The following ABCB11 variants were observed in gnomAD, a reference collection of about 807,000 sequenced individuals.
ABCB11 encodes ATP binding cassette subfamily B member 11.
In ABCB11, 95 loss-of-function variants were observed where a neutral mutation model predicts 148.0. The ratio of observed to expected loss-of-function variants is 0.64; its 90% CI spans 0.54 to 0.76. The LOEUF is 0.76. Among genes scored for constraint, ABCB11 ranks in the 30% least tolerant of loss-of-function variants. The pLI, the probability that ABCB11 is intolerant of heterozygous loss-of-function variation, is 0.00. For synonymous variants in ABCB11, 591 were observed against 555.4 expected, an observed-to-expected ratio of 1.06 and a Z score of -0.90; for missense variants, 1,523 against 1,617.8, an observed-to-expected ratio of 0.94 and a Z score of 1.01.
rs1692218423 is a variant in ABCB11 at position 168,944,644 on chromosome 2, C to T, written c.2571G>A (p.Leu857=). The part of the protein sequence containing the change: ...FDDLRNSPGA[L]TTRLATDASQ... Reference sequence around the variant, plus strand: ...AAGCATCTGTAGCAAGTCTTGTTGTCAATGCTCCAGGGCTATTTCTGAGGT... The same window carrying T: ...AAGCATCTGTAGCAAGTCTTGTTGTTAATGCTCCAGGGCTATTTCTGAGGT... The change falls in exon 21 of 28, where the codon TTG becomes TTA. Residue 857 remains leucine, a synonymous_variant. Coordinates refer to ENST00000650372, the MANE Select transcript of ABCB11 (RefSeq NM_003742.4). 1 of 1,611,382 alleles carries T rather than the reference C, an allele frequency of 6.2e-7. No individual in the cohort carries two copies. Among genetic ancestry groups the T allele is most frequent in the Non-Finnish European group, 8.5e-7 (1 of 1,178,646 alleles).
At chr2:168,967,728 C>A (rs994045746) in intron 17 of ABCB11, among the ~76,000 whole-genome samples, 1 of 151,814 alleles carries the variant, frequency 6.6e-6, no homozygotes, top group African/African-American at 2.4e-5. Context: ...TAAATATAGA[C>A]AAACACTCCT....
intron 4 of ABCB11, among the ~76,000 whole-genome samples, chr2:169,014,100 A>G (rs549318400): frequency 1.1e-4 from 17 of 152,310 alleles, no homozygotes; most frequent in South Asian, 2.1e-4. Context: ...TTTCTGATCT[A>G]TTGGATAGGA....
intron 24 of ABCB11, among the ~76,000 whole-genome samples, chr2:168,932,029 T>C (rs1299911670): frequency 6.6e-6 from 1 of 152,130 alleles, no homozygotes; most frequent in Non-Finnish European, 1.5e-5. Context: ...TATTAGACTT[T>C]AAGTTCTGGG....
intron 23 of ABCB11, among the ~76,000 whole-genome samples, chr2:168,934,200 TA>T (rs1691714275): frequency 6.6e-6 from 1 of 152,224 alleles, no homozygotes; most frequent in Non-Finnish European, 1.5e-5. Context: ...CTAGTAGCTT[TA>T]AATATGCAAA....
chr2:169,016,979 T>C (rs908156382), intron 2 of ABCB11, among the ~76,000 whole-genome samples, 180 bp from the exon 3 acceptor site: 2 of 138,002 alleles, frequency 1.4e-5, no homozygotes, highest in Non-Finnish European at 1.6e-5. Flanking sequence ...TCTATCTTTC[T>C]ACACACACAC....
Position 168,924,797 on chromosome 2 carries a change from C to T in ABCB11, c.3625G>A (p.Glu1209Lys), listed in dbSNP as rs940993461. Residue 1209 changes from glutamate to lysine, a missense_variant, in exon 27 of 28, where the codon GAA becomes AAA. Glu to Lys is a moderately conservative substitution (Grantham distance 56). Coordinates refer to ENST00000650372, the MANE Select transcript of ABCB11 (RefSeq NM_003742.4). The stretch of plus-strand genomic sequence containing the variant: ...GACCCCTGGGACCCAACGTTAGTTT[C>T]ATATTTCTGAAAAAAAGTATGATAA... The part of the protein sequence containing the change: ...DFVMSLPEKY[E>K]TNVGSQGSQL... 5.6e-6 allele frequency: 9 copies of T among 1,609,892 alleles called. No homozygotes were observed. The South Asian group carries it at 6.6e-5, about 12-fold the overall frequency.
At position 168,998,750 on chromosome 2, in the gene ABCB11, G is replaced by A. The variant is rs570867906; in HGVS notation, c.390-2028C>T. Among the ~76,000 whole-genome samples, 26 of 152,162 alleles carry A rather than the reference G, an allele frequency of 1.7e-4. No individual in the cohort carries two copies. In the South Asian group the frequency reaches 4.6e-3, roughly 27 times the overall value. ...CAGCTCTGGGATTTTCTGGAACAAA[G>A]GTCAAGATAATTCTATCACTGCTGG... On this transcript the variant is annotated intron_variant, in intron 5 of 27. Transcript: ENST00000650372.
At chr2:168,964,104 A>T in intron 18 of ABCB11, 102 bp downstream of exon 18, 3 of 774,932 alleles carry the variant, frequency 3.9e-6, no homozygotes, top group Non-Finnish European at 6.4e-6. Context: ...AAACACTGCT[A>T]GATATATACC....
chr2:168,918,128 C>G (rs1456064742), downstream of ABCB11, among the ~76,000 whole-genome samples: 2 of 152,152 alleles, frequency 1.3e-5, no homozygotes, highest in Non-Finnish European at 2.9e-5. Context: ...AGGCACTGCT[C>G]TGACCCACGG....
chr2:169,024,041 T>C (rs143428416), intron 1 of ABCB11, among the ~76,000 whole-genome samples: 2 of 152,150 alleles, frequency 1.3e-5, no homozygotes, highest in African/African-American at 2.4e-5. Context: ...CTGGGGCCTA[T>C]TGGGGGAGGG....
intron 18 of ABCB11, among the ~76,000 whole-genome samples, chr2:168,961,557 T>G (rs1261333939): frequency 6.6e-6 from 1 of 151,768 alleles, no homozygotes; most frequent in African/African-American, 2.4e-5. Context: ...TTCTGCCTTG[T>G]GTTTTAGTTT....
chr2:168,968,413 T>C lies in ABCB11; in HGVS notation c.2075+14A>G, dbSNP rs916210286. 1.2e-6 allele frequency: 2 copies of C among 1,608,482 alleles called. No individual in the cohort carries two copies. The highest frequency in any genetic ancestry group is 1.7e-6 in the Non-Finnish European group (2 of 1,177,062). ...TTTGGAAAGCTTGTAATCTGCCCCA[T>C]GGCTTGAGCTTACCTTAAACTATCC... On this transcript the variant is annotated intron_variant, in intron 17 of 27. Coordinates refer to ENST00000650372, the MANE Select transcript of ABCB11 (RefSeq NM_003742.4).
rs1302289788 is a variant in ABCB11 at position 168,942,358 on chromosome 2, A to G, written c.2610+2247T>C. On this transcript the variant is annotated intron_variant, in intron 21 of 27. Coordinates refer to ENST00000650372, the MANE Select transcript of ABCB11 (RefSeq NM_003742.4). ...TTCACCAGAATAAAAATAAATTTTT[A>G]GAAGAAGTTAAAATGAGTGTAAAAT... 3.3e-5 allele frequency among the ~76,000 whole-genome samples: 5 copies of G among 151,878 alleles called. No individual in the cohort carries two copies. The East Asian group carries it at 9.7e-4, about 29-fold the overall frequency.
intron 5 of ABCB11, among the ~76,000 whole-genome samples, chr2:169,008,635 C>T (rs928676457): frequency 7.9e-5 from 12 of 152,136 alleles, no homozygotes; most frequent in Non-Finnish European, 1.6e-4. Flanking sequence ...ATCACAGATG[C>T]TAAATAACAA....
intron 19 of ABCB11, among the ~76,000 whole-genome samples, chr2:168,949,011 A>C (rs577167670): frequency 6.6e-6 from 1 of 151,654 alleles, no homozygotes; most frequent in Non-Finnish European, 1.5e-5. Context: ...ATAAGCTCTG[A>C]CAATGTGATA....
chr2:169,002,866 G>A (rs1410369935), intron 5 of ABCB11, among the ~76,000 whole-genome samples: 4 of 152,128 alleles, frequency 2.6e-5, no homozygotes, highest in Non-Finnish European at 4.4e-5. Flanking sequence ...ACTATAGTTA[G>A]TAACAATGTT....
At chr2:168,988,737 T>C (rs1694413969) in intron 9 of ABCB11, among the ~76,000 whole-genome samples, 1 of 152,168 alleles carries the variant, frequency 6.6e-6, no homozygotes, top group South Asian at 2.1e-4. Context: ...GCGATCCGTG[T>C]AACAGTGTTT....
chr2:168,949,757 A>G (rs2105920701), intron 19 of ABCB11, among the ~76,000 whole-genome samples: 1 of 151,680 alleles, frequency 6.6e-6, no homozygotes, highest in South Asian at 2.1e-4. Context: ...AATACAAAGT[A>G]TTGATCCCCT....
At chr2:168,927,467 A>T in intron 25 of ABCB11, 105 bp from the exon 26 acceptor site, 1 of 905,742 alleles carries the variant, frequency 1.1e-6, no homozygotes, top group Non-Finnish European at 1.7e-6. Context: ...GGTTTGCTTA[A>T]CAGACTAACA....
Sources: gnomAD v4.1 joint callset for allele counts (sites outside exome capture counted in the v4.1 genomes callset) on GRCh38, gnomAD v4.1.1 for gene constraint, MANE v1.5 for transcripts, NCBI Gene and HGNC (gene_info 2026-07-23, HGNC 2026-07-21) for gene names.